PMP22: variants seen among roughly 807,000 people sequenced by gnomAD.
PMP22 encodes Charcot-Marie-Tooth neuropathy 1A (greatly reduced nerve conduction velocity, hereditary motor sensory neuropathy Ia).
A neutral mutation model predicts 18.9 loss-of-function variants in PMP22; 2 were observed. The ratio of observed to expected loss-of-function variants is 0.11; its 90% CI spans 0.04 to 0.33. The LOEUF (loss-of-function observed/expected upper bound fraction) is 0.33. Among genes scored for constraint, PMP22 ranks in the 10% least tolerant of loss-of-function variants. The pLI, the probability that PMP22 is intolerant of heterozygous loss-of-function variation, is 1.00. For missense variants in PMP22, 169 were observed against 202.2 expected, an observed-to-expected ratio of 0.84 and a Z score of 1.00; for synonymous variants, 95 against 89.2, an observed-to-expected ratio of 1.07 and a Z score of -0.37.
intron 3 of PMP22, among the ~76,000 whole-genome samples, chr17:15,253,175 G>T (rs1908512427): frequency 2.0e-5 from 3 of 152,140 alleles, no homozygotes; most frequent in Non-Finnish European, 4.4e-5. Flanking sequence ...GTATGAGTTT[G>T]CAAACTAAAG....
rs1909628745 is a variant in PMP22 at position 15,265,229 on chromosome 17, C to T, written c.-110G>A. On this transcript the variant is annotated 5_prime_UTR_variant, in exon 1 of 5. Transcript: ENST00000312280. ...ATGCAAGGGATGTTAAGGCAAGACC[C>T]TCCCCACAGGGCAGTCAGAGACCCG... The T allele has an allele frequency of 6.6e-6, 1 of 152,176 alleles. No homozygotes were observed. Among genetic ancestry groups the T allele is most frequent in the African/African-American group, 2.4e-5 (1 of 41,430 alleles). The allele number at this position is 152,176 out of a possible 1,614,324, so 9.4% of individuals were successfully genotyped here.
Position 15,231,094 on chromosome 17 carries a change from G to A in PMP22, c.320-14C>T. ...TCACGCACAGACCTGGGGAAGGAGA[G>A]GGACAAGCTGGGTGACGGAGAGTCC... On this transcript the variant is annotated splice_polypyrimidine_tract_variant and intron_variant, in intron 4 of 4. Coordinates refer to ENST00000312280, the MANE Select transcript of PMP22 (RefSeq NM_000304.4). 2 of 1,612,988 alleles carry A rather than the reference G, an allele frequency of 1.2e-6. No individual in the cohort carries two copies. Among genetic ancestry groups the A allele is most frequent in the African/African-American group, 1.3e-5 (1 of 75,030 alleles).
At position 15,233,387 on chromosome 17, in the gene PMP22, C is replaced by T. The variant is rs1447709627; in HGVS notation, c.320-2307G>A. Among the ~76,000 whole-genome samples the T allele has an allele frequency of 2.6e-5, 4 of 152,252 alleles. No homozygotes were observed. The East Asian group carries it at 5.8e-4, about 22-fold the overall frequency. On this transcript the variant is annotated intron_variant, in intron 4 of 4. Coordinates refer to ENST00000312280, the MANE Select transcript of PMP22 (RefSeq NM_000304.4). The stretch of plus-strand genomic sequence containing the variant: ...AGACAATACAAATGTGCTGAGCATT[C>T]AACTTACAAGAGTTTCTCCCTGTCT...
intron 1 of PMP22, among the ~76,000 whole-genome samples, chr17:15,264,909 A>G (rs1040567408): frequency 6.6e-5 from 10 of 152,096 alleles, no homozygotes; most frequent in Non-Finnish European, 1.3e-4. Context: ...TCTTCCTTTC[A>G]ATCTGGATGC....
At chr17:15,246,019 CAAA>C (rs58149809) in intron 3 of PMP22, among the ~76,000 whole-genome samples, 1 of 129,104 alleles carries the variant, frequency 7.7e-6, no homozygotes, top group Non-Finnish European at 1.7e-5. Flanking sequence ...AGACTCGTCT[CAAA>C]AAAAAAAAAA....
chr17:15,254,146 G>T (rs561513858), intron 3 of PMP22, among the ~76,000 whole-genome samples: 1 of 152,198 alleles, frequency 6.6e-6, no homozygotes, highest in African/African-American at 2.4e-5. Context: ...GGTAGATTCC[G>T]ATGGGCCTTG....
chr17:15,260,828 G>A, intron 1 of PMP22, 67 bp from the exon 2 acceptor site: 1 of 1,103,710 alleles, frequency 9.1e-7, no homozygotes, highest in Non-Finnish European at 1.3e-6. Flanking sequence ...CGCGCAGAGG[G>A]AGGGTCCCGC....
At chr17:15,241,534 T>C (rs569759650) in intron 3 of PMP22, among the ~76,000 whole-genome samples, 1 of 152,308 alleles carries the variant, frequency 6.6e-6, no homozygotes, top group African/African-American at 2.4e-5. Flanking sequence ...AATCCTGAGA[T>C]ACTGTCTTCA....
chr17:15,258,898 G>A lies in PMP22; in HGVS notation c.178+196C>T, dbSNP rs759542251. On this transcript the variant is annotated intron_variant, in intron 3 of 4. Transcript: ENST00000312280. The surrounding 1 kb of genome is among the most constrained non-coding windows in gnomAD (Gnocchi z 4.1). Reference sequence around the variant, plus strand: ...TCTAGGTAGAGTGAATCACAATGATGCCCAGGATCTCAGCTTCCCCAGCGA... The same window carrying A: ...TCTAGGTAGAGTGAATCACAATGATACCCAGGATCTCAGCTTCCCCAGCGA... The A allele has an allele frequency of 1.2e-4, 78 of 650,042 alleles. No homozygotes were observed. The highest frequency in any genetic ancestry group is 1.9e-4 in the Non-Finnish European group (69 of 356,358). 40.3% of individuals were successfully genotyped at this position (650,042 alleles called of 1,614,324 possible).
intron 3 of PMP22, among the ~76,000 whole-genome samples, chr17:15,244,027 A>C (rs1442302434): frequency 6.6e-6 from 1 of 152,072 alleles, no homozygotes; most frequent in Non-Finnish European, 1.5e-5. Flanking sequence ...ATTTGGTAAA[A>C]CATAAAATTA....
intron 2 of PMP22, chr17:15,260,261 T>C: frequency 6.9e-6 from 2 of 289,048 alleles, no homozygotes; most frequent in South Asian, 3.7e-5. Context: ...AAGGGTGTTT[T>C]ATAAATTAAT....
intron 1 of PMP22, among the ~76,000 whole-genome samples, chr17:15,263,583 G>GCACA (rs3028206): frequency 0.45 from 68,198 of 149,894 alleles, 15,683 homozygotes; most frequent in East Asian, 0.57. Flanking sequence ...GCACGCGCGC[G>GCACA]CACACACACA....
intron 3 of PMP22, among the ~76,000 whole-genome samples, chr17:15,244,838 G>T (rs1312681980): frequency 6.6e-6 from 1 of 152,182 alleles, no homozygotes. Flanking sequence ...AGAAGAGTTT[G>T]GTCAAGAAGC....
chr17:15,248,339 G>A (rs1210520717), intron 3 of PMP22, among the ~76,000 whole-genome samples: 1 of 152,210 alleles, frequency 6.6e-6, no homozygotes, highest in African/African-American at 2.4e-5. Context: ...GCCTGTGTCT[G>A]GCCACTAGTG....
Position 15,239,628 on chromosome 17 carries a change from C to T in PMP22, c.179-17G>A, listed in dbSNP as rs77406217. ...GCAGCCATTCTGGGGGAAAGAGACACTTGGTTAGGAGAGCTGGCCATGGCC... is the reference window on the plus strand; with the variant it reads ...GCAGCCATTCTGGGGGAAAGAGACATTTGGTTAGGAGAGCTGGCCATGGCC... On this transcript the variant is annotated splice_polypyrimidine_tract_variant and intron_variant, in intron 3 of 4. Transcript: ENST00000312280. 7,152 of 1,613,498 alleles carry T rather than the reference C, an allele frequency of 4.4e-3. 267 individuals carry two copies. In the African/African-American group the frequency reaches 0.081, roughly 18 times the overall value.
At chr17:15,256,423 C>T (rs1487441167) in intron 3 of PMP22, among the ~76,000 whole-genome samples, 1 of 152,098 alleles carries the variant, frequency 6.6e-6, no homozygotes, top group East Asian at 1.9e-4. Flanking sequence ...GGGTGGATCT[C>T]CTGAGGTCAG....
At chr17:15,245,105 A>AG (rs1304623774) in intron 3 of PMP22, among the ~76,000 whole-genome samples, 1 of 152,154 alleles carries the variant, frequency 6.6e-6, no homozygotes, top group Non-Finnish European at 1.5e-5. Context: ...AGGAAAAAAA[A>AG]CAGAGCCCAG....
Position 15,258,769 on chromosome 17 carries a change from C to T in PMP22, c.178+325G>A, listed in dbSNP as rs1233730490. 1.0e-5 allele frequency: 4 copies of T among 390,666 alleles called. No individual in the cohort carries two copies. The East Asian group carries it at 1.8e-4, about 18-fold the overall frequency. 24.2% of individuals were successfully genotyped at this position (390,666 alleles called of 1,614,324 possible). A position where few individuals can be genotyped will look rare whatever the true frequency, so the allele number is the denominator to read the frequency against. ...GATCCAATGTCCCAAGGGGGTCTGC[C>T]AAAGGCTTAGCTATCATACCACCTT... On this transcript the variant is annotated intron_variant, in intron 3 of 4. Transcript: ENST00000312280. This position sits in a 1 kb window ranked among gnomAD's most constrained non-coding sequence, Gnocchi z 4.1.
At chr17:15,244,008 T>C (rs899787863) in intron 3 of PMP22, among the ~76,000 whole-genome samples, 1 of 152,058 alleles carries the variant, frequency 6.6e-6, no homozygotes, top group Non-Finnish European at 1.5e-5. Context: ...TACATAGTGT[T>C]GGCTATTCAT....
Sources: allele counts gnomAD v4.1 joint callset (sites outside exome capture counted in the v4.1 genomes callset), GRCh38; gene constraint gnomAD v4.1.1; non-coding constraint Gnocchi (gnomAD v3.1); transcripts MANE v1.5; gene names NCBI Gene and HGNC (gene_info 2026-07-23, HGNC 2026-07-21).